Variants in CCZ1B observed in about 807,000 individuals in gnomAD.
The protein encoded by CCZ1B is vacuolar fusion protein CCZ1 homolog B.
In CCZ1B, 25 loss-of-function variants were observed where a neutral mutation model predicts 58.8. The observed-to-expected ratio is 0.43, with a 90% CI of 0.31 to 0.59. CCZ1B has a LOEUF of 0.59. CCZ1B is among the 20% of genes least tolerant of loss of function. The probability of loss-of-function intolerance (pLI) is 0.12; values close to 1 mark genes in which losing one functional copy is unlikely to be tolerated. For synonymous variants in CCZ1B, 66 were observed against 173.2 expected (o/e 0.38, Z 4.86); for missense variants, 180 against 501.5 (o/e 0.36, Z 6.12).
At chr7:6,813,091 C>T in intron 8 of CCZ1B, 54 bp from the exon 9 acceptor site, 2 of 1,306,724 alleles carry the variant, frequency 1.5e-6, no homozygotes, top group African/African-American at 1.6e-5. Flanking sequence ...ATTTATTTTC[C>T]AAGCTTTGAA....
Position 6,805,886 on chromosome 7 carries a change from G to A in CCZ1B, c.988+118C>T, listed in dbSNP as rs187006697. On this transcript the variant is annotated intron_variant, in intron 11 of 14. Coordinates refer to ENST00000316731, the MANE Select transcript of CCZ1B (RefSeq NM_198097.5). ...CACTGCACTCCAAGAGTGAAACCCC[G>A]TCTCCAACAAAAAAACCCCAAACAA... 2.8e-3 allele frequency: 4,226 copies of A among 1,493,806 alleles called. 63 individuals carry two copies. The highest frequency in any genetic ancestry group is 7.1e-3 in the East Asian group (313 of 43,938). The allele number at this position is 1,493,806 out of a possible 1,614,324, so 92.5% of individuals were successfully genotyped here.
At position 6,812,789 on chromosome 7, in the gene CCZ1B, A is replaced by G. The variant is rs1324696473; in HGVS notation, c.842+187T>C. Among the ~76,000 whole-genome samples, 3 of 148,846 alleles carry G rather than the reference A, an allele frequency of 2.0e-5. No homozygotes were observed. In the South Asian group the frequency reaches 6.4e-4, roughly 32 times the overall value. On this transcript the variant is annotated intron_variant, in intron 9 of 14. Transcript: ENST00000316731. ...AATACAAAATGAATTAGCCAGGCAT[A>G]GTGGCTCATGCCTGTAGTTCCAGCT...
At chr7:6,800,488 CAAA>C (rs758012095) in intron 14 of CCZ1B, among the ~76,000 whole-genome samples, 53 of 115,634 alleles carry the variant, frequency 4.6e-4, no homozygotes, top group African/African-American at 1.7e-3. Flanking sequence ...GACTCTGTTT[CAAA>C]AAAAAAAAAG....
At chr7:6,821,755 G>C (rs1216327431) in intron 6 of CCZ1B, among the ~76,000 whole-genome samples, 1 of 151,122 alleles carries the variant, frequency 6.6e-6, no homozygotes, top group Non-Finnish European at 1.5e-5. Flanking sequence ...AGCTTGACAA[G>C]GTAGGGTGAA....
In CCZ1B at chr7:6,814,755, C is replaced by T. The variant is rs759867956; in HGVS notation, c.780+9G>A. 6.9e-6 allele frequency: 11 copies of T among 1,602,148 alleles called. No individual in the cohort carries two copies. The highest frequency in any genetic ancestry group is 1.4e-5 in the African/African-American group (1 of 70,896). ...ATGTAATTGTGTGCAGCTATGGTAC[C>T]CATCATACCTCAGGTTCGATGTGCC... On this transcript the variant is annotated intron_variant, in intron 8 of 14. Transcript: ENST00000316731.
At chr7:6,824,783 A>T in intron 1 of CCZ1B, 46 bp from the exon 2 acceptor site, 1 of 1,511,570 alleles carries the variant, frequency 6.6e-7, no homozygotes, top group Non-Finnish European at 9.0e-7. Context: ...GAAACATTTC[A>T]TCTTAGCTAT....
At chr7:6,821,975 CTGAG>C (rs1562432763) in intron 6 of CCZ1B, among the ~76,000 whole-genome samples, 2 of 149,610 alleles carry the variant, frequency 1.3e-5, no homozygotes, top group East Asian at 3.9e-4. Flanking sequence ...AAGATGGCTG[CTGAG>C]TAAGCCCAGA....
chr7:6,819,126 A>G (rs1253108988), intron 7 of CCZ1B, among the ~76,000 whole-genome samples: 2 of 144,472 alleles, frequency 1.4e-5, no homozygotes, highest in Admixed American at 6.9e-5. Flanking sequence ...TCTATAAGAA[A>G]AAAAAAAAAA....
chr7:6,811,724 A>G, intron 10 of CCZ1B: 1 of 488,628 alleles, frequency 2.0e-6, no homozygotes, highest in Non-Finnish European at 3.6e-6. Context: ...ACGTTTATAA[A>G]TCACAATCTT....
At chr7:6,815,261 G>A (rs956905753) in intron 7 of CCZ1B, among the ~76,000 whole-genome samples, 3 of 147,722 alleles carry the variant, frequency 2.0e-5, no homozygotes, top group African/African-American at 7.7e-5. Context: ...GGCCTCCAGG[G>A]CTCAAGCGGT....
intron 12 of CCZ1B, among the ~76,000 whole-genome samples, chr7:6,804,211 G>A (rs533159448): frequency 7.2e-6 from 1 of 138,504 alleles, no homozygotes; most frequent in African/African-American, 2.7e-5. Context: ...GATCACTTGA[G>A]GTCAGGAGTT....
At chr7:6,817,314 G>A (rs1783022004) in intron 7 of CCZ1B, among the ~76,000 whole-genome samples, 1 of 151,526 alleles carries the variant, frequency 6.6e-6, no homozygotes, top group Non-Finnish European at 1.5e-5. Context: ...GGGTCTCCCA[G>A]AATGAGCTCC....
intron 8 of CCZ1B, among the ~76,000 whole-genome samples, chr7:6,814,204 T>G (rs1175884704): frequency 1.3e-5 from 2 of 148,548 alleles, no homozygotes; most frequent in Admixed American, 6.7e-5. Flanking sequence ...TAAAATAAAA[T>G]CCAATTTTCC....
intron 7 of CCZ1B, among the ~76,000 whole-genome samples, chr7:6,815,223 T>G (rs1468942119): frequency 6.8e-6 from 1 of 146,394 alleles, no homozygotes; most frequent in Non-Finnish European, 1.5e-5. Context: ...CTGGAAGCAG[T>G]GGTGCGATCA....
chr7:6,816,015 A>G (rs2528331), intron 7 of CCZ1B, among the ~76,000 whole-genome samples: 68,779 of 136,934 alleles, frequency 0.5, 18,125 homozygotes, highest in South Asian at 0.8. Flanking sequence ...AAGAGGAGGA[A>G]GAGAAAAACA....
intron 6 of CCZ1B, among the ~76,000 whole-genome samples, chr7:6,821,868 T>G (rs1783116793): frequency 1.3e-5 from 2 of 150,020 alleles, no homozygotes; most frequent in Non-Finnish European, 3.0e-5. Context: ...CTTACCTACA[T>G]CAAGACAGTT....
intron 4 of CCZ1B, chr7:6,823,754 A>C (rs4724858): frequency 0.16 from 69,301 of 433,864 alleles, 393 homozygotes; most frequent in South Asian, 0.27. Flanking sequence ...CCTGACCTCA[A>C]GTAATCTGCC....
At chr7:6,825,413 ATTTT>A (rs1160935567) in intron 1 of CCZ1B, among the ~76,000 whole-genome samples, 1 of 113,736 alleles carries the variant, frequency 8.8e-6, no homozygotes, top group African/African-American at 3.7e-5. Context: ...TCACTTTTCA[ATTTT>A]TTTTTTTTTT....
intron 10 of CCZ1B, among the ~76,000 whole-genome samples, chr7:6,811,083 C>T (rs1417363148): frequency 6.6e-6 from 1 of 151,532 alleles, no homozygotes; most frequent in Non-Finnish European, 1.5e-5. Context: ...CAGCCGTGGG[C>T]CTGTCTGTGC....
Sources: gnomAD v4.1 joint callset for allele counts (sites outside exome capture counted in the v4.1 genomes callset) on GRCh38, gnomAD v4.1.1 for gene constraint, MANE v1.5 for transcripts, NCBI Gene and HGNC (gene_info 2026-07-23, HGNC 2026-07-21) for gene names.